EBF3: variants seen among roughly 807,000 people sequenced by gnomAD.
EBF3 encodes EBF transcription factor 3.
In EBF3, 18 loss-of-function variants were observed where a neutral mutation model predicts 77.1. That is an observed-to-expected ratio of 0.23 (90% CI 0.16 to 0.35). EBF3 has a LOEUF of 0.35. Among genes scored for constraint, EBF3 ranks in the 10% least tolerant of loss-of-function variants. The pLI is 1.00. For missense variants in EBF3, 558 were observed against 860.0 expected, an observed-to-expected ratio of 0.65 and a Z score of 4.39; for synonymous variants, 350 against 343.5, an observed-to-expected ratio of 1.02 and a Z score of -0.21.
chr10:129,888,913 T>G (rs1460567628), intron 6 of EBF3, among the ~76,000 whole-genome samples: 10 of 151,410 alleles, frequency 6.6e-5, no homozygotes, highest in Non-Finnish European at 1.5e-4. Flanking sequence ...AAAACCCCAG[T>G]GTGGGCAGAG....
In EBF3 at chr10:129,964,178, G is replaced by T; in HGVS notation, c.-410C>A. ...AAATAAACGGGGCAGTGAGTGCTGC[G>T]GCGCAGTCCCGGGCGCAGGCGGGGC... On this transcript the variant is annotated 5_prime_UTR_variant, in exon 1 of 17. Coordinates refer to ENST00000440978, the MANE Select transcript of EBF3 (RefSeq NM_001375380.1). The surrounding 1 kb of genome is among the most constrained non-coding windows in gnomAD (Gnocchi z 4.5). 1.0e-6 allele frequency: 1 copy of T among 984,944 alleles called. No individual in the cohort carries two copies. The highest frequency in any genetic ancestry group is 1.2e-6 in the Non-Finnish European group (1 of 829,788). The allele number at this position is 984,944 out of a possible 1,614,324, so 61.0% of individuals were successfully genotyped here. A position where few individuals can be genotyped will look rare whatever the true frequency, so the allele number is the denominator to read the frequency against.
chr10:129,962,304 C>A, intron 3 of EBF3, 78 bp from the exon 4 acceptor site: 1 of 1,421,404 alleles, frequency 7.0e-7, no homozygotes, highest in Non-Finnish European at 9.9e-7. Flanking sequence ...CACAGGAAGT[C>A]TGTAACTCAG....
Position 129,943,849 on chromosome 10 carries a change from A to T in EBF3, c.554+13409T>A, listed in dbSNP as rs1857976189. The stretch of plus-strand genomic sequence containing the variant: ...TCTGTGCTGAGCTCTCTGGAACCAT[A>T]TGTTCAGCAACGTTATGGAGGGCGC... On this transcript the variant is annotated intron_variant, in intron 6 of 16. Coordinates refer to ENST00000440978, the MANE Select transcript of EBF3 (RefSeq NM_001375380.1). This position sits in a 1 kb window ranked among gnomAD's most constrained non-coding sequence, Gnocchi z 8.8. Among the ~76,000 whole-genome samples the T allele has an allele frequency of 6.6e-6, 1 of 152,160 alleles. No individual in the cohort carries two copies. The highest frequency in any genetic ancestry group is 2.1e-4 in the South Asian group (1 of 4,818).
Position 129,943,155 on chromosome 10 carries a change from C to A in EBF3, c.554+14103G>T, listed in dbSNP as rs994877164. ...CAACTTCCTCCACATAAACAAGGCC[C>A]GCCAGAGCCAGAGAGCTGCCAGGCA... On this transcript the variant is annotated intron_variant, in intron 6 of 16. Transcript: ENST00000440978. The surrounding 1 kb of genome is among the most constrained non-coding windows in gnomAD (Gnocchi z 8.8). Among the ~76,000 whole-genome samples, 1 of 152,192 alleles carries A rather than the reference C, an allele frequency of 6.6e-6. No homozygotes were observed. The highest frequency in any genetic ancestry group is 1.5e-5 in the Non-Finnish European group (1 of 68,032).
In EBF3 at chr10:129,870,253, A is replaced by T. The variant is rs1393187306; in HGVS notation, c.782-2341T>A. Among the ~76,000 whole-genome samples the T allele has an allele frequency of 6.6e-6, 1 of 152,144 alleles. No homozygotes were observed. The highest frequency in any genetic ancestry group is 2.4e-5 in the African/African-American group (1 of 41,434). ...CATATAGAGAGGGAACATGTGTTCA[A>T]TGGGAACCATAGCAAAATGAATTAC... On this transcript the variant is annotated intron_variant, in intron 8 of 16. Transcript: ENST00000440978. This position sits in a 1 kb window ranked among gnomAD's most constrained non-coding sequence, Gnocchi z 4.4.
In EBF3 at chr10:129,835,948, A is replaced by G. The variant is rs1849587198; in HGVS notation, c.*1995T>C. On this transcript the variant is annotated 3_prime_UTR_variant, in exon 17 of 17. Transcript: ENST00000440978. ...TCATTCCAGTTTTAAAAGTACGGAC[A>G]GTGCTGTTGGAACTGACCACAAAAA... 2 of 152,578 alleles carry G rather than the reference A, an allele frequency of 1.3e-5. No homozygotes were observed. Among genetic ancestry groups the G allele is most frequent in the Admixed American group, 1.3e-4 (2 of 15,266 alleles). 9.5% of individuals were successfully genotyped at this position (152,578 alleles called of 1,614,324 possible). A position where few individuals can be genotyped will look rare whatever the true frequency, so the allele number is the denominator to read the frequency against.
chr10:129,890,638 C>T (rs763244815), intron 6 of EBF3, among the ~76,000 whole-genome samples: 18 of 152,362 alleles, frequency 1.2e-4, no homozygotes, highest in Non-Finnish European at 2.4e-4. Context: ...CTGGGATGCT[C>T]CACAGATGCT....
At chr10:129,942,555 C>T (rs977523795) in intron 6 of EBF3, among the ~76,000 whole-genome samples, 4 of 152,154 alleles carry the variant, frequency 2.6e-5, no homozygotes, top group African/African-American at 9.7e-5. Flanking sequence ...ACAGTCAGGT[C>T]AAACCCAAAC....
chr10:129,866,661 G>A (rs1852032259), intron 10 of EBF3, among the ~76,000 whole-genome samples: 1 of 152,228 alleles, frequency 6.6e-6, no homozygotes, highest in Non-Finnish European at 1.5e-5. Context: ...AGGCTTACAT[G>A]GGCCTTGCAT....
Position 129,864,953 on chromosome 10 carries a change from G to A in EBF3, c.1039+2188C>T, listed in dbSNP as rs193243572. Among the ~76,000 whole-genome samples the A allele has an allele frequency of 1.2e-3, 180 of 152,300 alleles. No homozygotes were observed. The highest frequency in any genetic ancestry group is 1.1e-3 in the African/African-American group (46 of 41,546). The stretch of plus-strand genomic sequence containing the variant: ...TAGACACTGTACATAAGTCATCCCC[G>A]ATCCTTGCCAAAACCTTGCCAGATA... On this transcript the variant is annotated intron_variant, in intron 10 of 16. Transcript: ENST00000440978. This position sits in a 1 kb window ranked among gnomAD's most constrained non-coding sequence, Gnocchi z 4.4.
chr10:129,939,797 G>T (rs1589912820), intron 6 of EBF3, among the ~76,000 whole-genome samples: 1 of 152,188 alleles, frequency 6.6e-6, no homozygotes, highest in Non-Finnish European at 1.5e-5. Flanking sequence ...ACCGGACTTC[G>T]TCTTAAGTTA....
At chr10:129,901,300 T>C (rs1253433799) in intron 6 of EBF3, among the ~76,000 whole-genome samples, 1 of 152,178 alleles carries the variant, frequency 6.6e-6, no homozygotes, top group Non-Finnish European at 1.5e-5. Flanking sequence ...GAGGAATGCA[T>C]GATTGTTTAT....
At chr10:129,865,197 C>T (rs1185812283) in intron 10 of EBF3, among the ~76,000 whole-genome samples, 10 of 152,200 alleles carry the variant, frequency 6.6e-5, no homozygotes, top group South Asian at 4.1e-4. Flanking sequence ...AGAAAGGACC[C>T]CCCAGCCCAC....
intron 6 of EBF3, among the ~76,000 whole-genome samples, chr10:129,890,834 G>A (rs1366991796): frequency 1.3e-5 from 2 of 152,064 alleles, no homozygotes; most frequent in Non-Finnish European, 2.9e-5. Context: ...GGCCTCTGAA[G>A]GCAAAAGAGC....
chr10:129,962,537 G>A (rs1006459490), intron 3 of EBF3, among the ~76,000 whole-genome samples: 1 of 151,062 alleles, frequency 6.6e-6, no homozygotes, highest in Admixed American at 6.6e-5. Context: ...AAAAGAAAAA[G>A]CACCAAATGG....
At chr10:129,917,665 A>AAAAAAAAAAAAAAAAAAAAAAAC (rs1418617494) in intron 6 of EBF3, among the ~76,000 whole-genome samples, 1 of 149,466 alleles carries the variant, frequency 6.7e-6, no homozygotes, top group Non-Finnish European at 1.5e-5. Context: ...AAAAAAAAAA[A>AAAAAAAAAAAAAAAAAAAAAAAC]AAAAAAAAAA....
chr10:129,933,276 G>A (rs1403255103), intron 6 of EBF3, among the ~76,000 whole-genome samples: 2 of 152,136 alleles, frequency 1.3e-5, no homozygotes, highest in Non-Finnish European at 2.9e-5. Context: ...GCGGCCTCTC[G>A]AAAAACAGGC....
intron 6 of EBF3, among the ~76,000 whole-genome samples, chr10:129,954,419 C>A (rs182763389): frequency 2.0e-5 from 3 of 148,124 alleles, no homozygotes; most frequent in Non-Finnish European, 4.4e-5. Context: ...ACTTCCCCCC[C>A]CCCTTTTTTT....
At chr10:129,913,459 A>G (rs1855660602) in intron 6 of EBF3, among the ~76,000 whole-genome samples, 1 of 152,236 alleles carries the variant, frequency 6.6e-6, no homozygotes, top group African/African-American at 2.4e-5. Context: ...ATGAATAAAC[A>G]TGGATAGTTT....
Sources: allele counts gnomAD v4.1 joint callset (sites outside exome capture counted in the v4.1 genomes callset), GRCh38; gene constraint gnomAD v4.1.1; non-coding constraint Gnocchi (gnomAD v3.1); transcripts MANE v1.5; gene names NCBI Gene and HGNC (gene_info 2026-07-23, HGNC 2026-07-21).